MUC17: variants seen among roughly 807,000 people sequenced by gnomAD.
MUC17 encodes mucin 17, cell surface associated, also known as mucin-17.
A neutral mutation model predicts 170.3 loss-of-function variants in MUC17; 190 were observed. That is an observed-to-expected ratio of 1.12 (90% CI 0.99 to 1.26). MUC17 has a LOEUF of 1.26. Among genes scored for constraint, MUC17 ranks in the 50% most tolerant of loss-of-function variants. The pLI, the probability that MUC17 is intolerant of heterozygous loss-of-function variation, is 0.00. For synonymous variants in MUC17, 2,325 were observed against 2,002.5 expected, an observed-to-expected ratio of 1.16 and a Z score of -4.30; for missense variants, 6,415 against 5,530.0, an observed-to-expected ratio of 1.16 and a Z score of -5.08.
chr7:101,034,736 C>A lies in MUC17; in HGVS notation c.3320C>A (p.Pro1107His), dbSNP rs1489381633. The A allele has an allele frequency of 6.2e-7, 1 of 1,607,460 alleles. No homozygotes were observed. Among genetic ancestry groups the A allele is most frequent in the East Asian group, 2.2e-5 (1 of 44,496 alleles). ...GGAAGCACTCCACTAACAAGTGTGC[C>A]TGTCAGCACCAGGCTGGTGGTCAGT... ...SEGSTPLTSV[P>H]VSTRLVVSSE... is the part of the protein sequence containing the mutation. The change falls in exon 3 of 13, where the codon CCT becomes CAT. Residue 1107 changes from proline to histidine, a missense_variant. Physicochemically the swap from Pro to His is moderately conservative, Grantham distance 77. Transcript: ENST00000306151.
Position 101,038,428 on chromosome 7 carries a change from A to G in MUC17, c.7012A>G (p.Thr2338Ala), listed in dbSNP as rs758266088. Residue 2338 changes from threonine (T) to alanine (A), a missense_variant, in exon 3 of 13, where the codon ACT (threonine) becomes GCT (alanine). By Grantham distance (58) the Thr-to-Ala change is moderately conservative. Coordinates refer to ENST00000306151, the MANE Select transcript of MUC17 (RefSeq NM_001040105.2). ...MPTSTSSEGN[T>A]PLTRMPVSTT... ...AACCTCAACTTCTAGTGAAGGAAAC[A>G]CTCCATTAACACGTATGCCTGTCAG... is the stretch of plus-strand genomic sequence containing the variant. 61 of 1,613,264 alleles carry G rather than the reference A, an allele frequency of 3.8e-5. No homozygotes were observed. The Admixed American group carries it at 9.8e-4, about 26-fold the overall frequency.
Position 101,039,102 on chromosome 7 carries a change from C to T in MUC17, c.7686C>T (p.Thr2562=), listed in dbSNP as rs780496074. The change falls in exon 3 of 13, where the codon ACC becomes ACT. Residue 2562 remains threonine (T), a synonymous_variant. Coordinates refer to ENST00000306151, the MANE Select transcript of MUC17 (RefSeq NM_001040105.2). Reference sequence around the variant, plus strand: ...CATCTGCTACATCCGCTGAAGGTACCAGCATGCCTACCTCAACTTATAGTG... The same window carrying T: ...CATCTGCTACATCCGCTGAAGGTACTAGCATGCCTACCTCAACTTATAGTG... ...ISSSATSAEG[T]SMPTSTYSEG... 3.7e-6 allele frequency: 6 copies of T among 1,613,476 alleles called. No individual in the cohort carries two copies. Among genetic ancestry groups the T allele is most frequent in the Non-Finnish European group, 5.1e-6 (6 of 1,179,860 alleles).
At position 101,039,136 on chromosome 7, in the gene MUC17, A is replaced by G. The variant is rs549848777; in HGVS notation, c.7720A>G (p.Thr2574Ala). 3.7e-6 allele frequency: 6 copies of G among 1,613,286 alleles called. No individual in the cohort carries two copies. The African/African-American group carries it at 4.0e-5, about 11-fold the overall frequency. Reference protein sequence around the residue: ...MPTSTYSEGSTPLRSMPVSTK... With the variant: ...MPTSTYSEGSAPLRSMPVSTK... ...TACCTCAACTTATAGTGAAGGAAGC[A>G]CTCCATTAAGAAGTATGCCTGTCAG... Residue 2574 changes from threonine to alanine, a missense_variant, in exon 3 of 13, where the codon ACT (threonine) becomes GCT (alanine). Transcript: ENST00000306151.
Position 101,034,656 on chromosome 7 carries a change from T to A in MUC17, c.3240T>A (p.Ser1080Arg). 1 of 1,606,972 alleles carries A rather than the reference T, an allele frequency of 6.2e-7. No individual in the cohort carries two copies. The highest frequency in any genetic ancestry group is 8.5e-7 in the Non-Finnish European group (1 of 1,176,044). The change falls in exon 3 of 13, where the codon AGT becomes AGA. Residue 1080 changes from serine to arginine, a missense_variant. Coordinates refer to ENST00000306151, the MANE Select transcript of MUC17 (RefSeq NM_001040105.2). Reference protein sequence around the residue: ...STPVTTYSQASSSSTTADGTS... With the variant: ...STPVTTYSQARSSSTTADGTS... ...CTGTGACCACTTATTCTCAAGCCAG[T>A]TCATCTTCTACAACTGCTGACGGTA...
In MUC17 at chr7:101,035,988, A is replaced by T; in HGVS notation, c.4572A>T (p.Thr1524=). ...TALTSIPVST[T]TVASSEINSL... is the part of the protein sequence containing the mutation. Reference sequence around the variant, plus strand: ...TAACAAGTATACCTGTCAGCACCACAACAGTGGCCAGTTCTGAAATCAACA... The same window carrying T: ...TAACAAGTATACCTGTCAGCACCACTACAGTGGCCAGTTCTGAAATCAACA... Residue 1524 remains threonine (T), a synonymous_variant, in exon 3 of 13, where the codon ACA becomes ACT. Transcript: ENST00000306151. The T allele has an allele frequency of 6.2e-7, 1 of 1,611,492 alleles. No individual in the cohort carries two copies. The highest frequency in any genetic ancestry group is 8.5e-7 in the Non-Finnish European group (1 of 1,178,508).
At chr7:101,047,879 G>A (rs971454687) in intron 3 of MUC17, 105 bp from the exon 4 acceptor site, 44 of 1,330,428 alleles carry the variant, frequency 3.3e-5, no homozygotes, top group Non-Finnish European at 4.2e-5. Flanking sequence ...ATTGTAAGCT[G>A]TAAAGTGCTG....
chr7:101,040,326 A>G lies in MUC17; in HGVS notation c.8910A>G (p.Thr2970=). The part of the protein sequence containing the change: ...TTSAEASSSP[T]TAEGTSMPIS... The stretch of plus-strand genomic sequence containing the variant: ...CTGCTGAAGCTAGTTCTTCTCCTAC[A>G]ACTGCTGAAGGTACCAGCATGCCAA... Residue 2970 remains threonine, a synonymous_variant, in exon 3 of 13, where the codon ACA becomes ACG. Coordinates refer to ENST00000306151, the MANE Select transcript of MUC17 (RefSeq NM_001040105.2). 1 of 1,612,678 alleles carries G rather than the reference A, an allele frequency of 6.2e-7. No homozygotes were observed. Among genetic ancestry groups the G allele is most frequent in the South Asian group, 1.1e-5 (1 of 90,974 alleles).
At chr7:101,052,853 T>A in intron 9 of MUC17, 133 bp from the exon 10 acceptor site, 1 of 996,718 alleles carries the variant, frequency 1.0e-6, no homozygotes, top group Non-Finnish European at 1.4e-6. Context: ...CCCCTCGGGG[T>A]GCCTTGCTTT....
chr7:101,031,027 A>C (rs2116403256), intron 1 of MUC17, 93 bp from the exon 2 acceptor site: 6 of 1,433,338 alleles, frequency 4.2e-6, no homozygotes, highest in East Asian at 2.5e-5. Context: ...GGGGCCAGGG[A>C]CTTTCCAGGG....
intron 1 of MUC17, among the ~76,000 whole-genome samples, chr7:101,023,517 G>C (rs1794130271): frequency 6.6e-6 from 1 of 152,080 alleles, no homozygotes; most frequent in South Asian, 2.1e-4. Context: ...CTCCTGAGTA[G>C]CTGGGATTAC....
intron 11 of MUC17, among the ~76,000 whole-genome samples, chr7:101,055,807 T>C (rs73712051): frequency 0.11 from 16,849 of 152,256 alleles, 1,131 homozygotes; most frequent in African/African-American, 0.19. Context: ...GACGATATTA[T>C]CTGACCATAA....
Position 101,037,523 on chromosome 7 carries a change from C to T in MUC17, c.6107C>T (p.Thr2036Ile), listed in dbSNP as rs187673029. Residue 2036 changes from threonine to isoleucine, a missense_variant, in exon 3 of 13, where the codon ACC becomes ATC. Thr to Ile is a moderately conservative substitution (Grantham distance 89). Coordinates refer to ENST00000306151, the MANE Select transcript of MUC17 (RefSeq NM_001040105.2). ...ACTGCAGGAGGTACCAGCATACAAACCTCAACTCCTAGTGAACGGACCACT... is the reference window on the plus strand; with the variant it reads ...ACTGCAGGAGGTACCAGCATACAAATCTCAACTCCTAGTGAACGGACCACT... The part of the protein sequence containing the change: ...PTTAGGTSIQ[T>I]STPSERTTPL... 1.3e-5 allele frequency: 21 copies of T among 1,613,898 alleles called. No individual in the cohort carries two copies. The East Asian group carries it at 4.5e-4, about 34-fold the overall frequency.
chr7:101,033,240 T>G lies in MUC17; in HGVS notation c.1824T>G (p.Ser608Arg), dbSNP rs1205954542. ...NTFVTTSSEA[S>R]SSSTTAEGTS... ...TTGTGACCACTTCTAGTGAAGCTAGTTCATCTTCTACAACTGCTGAAGGTA... is the reference window on the plus strand; with the variant it reads ...TTGTGACCACTTCTAGTGAAGCTAGGTCATCTTCTACAACTGCTGAAGGTA... The change falls in exon 3 of 13, where the codon AGT becomes AGG. Residue 608 changes from serine (S) to arginine (R), a missense_variant. Transcript: ENST00000306151. The G allele has an allele frequency of 1.2e-6, 2 of 1,613,972 alleles. No individual in the cohort carries two copies. The highest frequency in any genetic ancestry group is 1.7e-6 in the Non-Finnish European group (2 of 1,179,984).
rs1355804648 is a variant in MUC17 at position 101,033,967 on chromosome 7, G to A, written c.2551G>A (p.Glu851Lys). ...AGTCAGTTCATCTCCTACACCTGCT[G>A]AAGGTACCAGCATGCCAACCTCAAC... ...TEVSSSPTPAEGTSMPTSTYS... is the reference protein window; with the variant it reads ...TEVSSSPTPAKGTSMPTSTYS... The change falls in exon 3 of 13, where the codon GAA (glutamate) becomes AAA (lysine). Residue 851 changes from glutamate (E) to lysine (K), a missense_variant. Transcript: ENST00000306151. 1 of 1,603,176 alleles carries A rather than the reference G, an allele frequency of 6.2e-7. No individual in the cohort carries two copies. Among genetic ancestry groups the A allele is most frequent in the Non-Finnish European group, 8.5e-7 (1 of 1,173,954 alleles).
rs1312598963 is a variant in MUC17, at chr7:101,037,744, A to C, written c.6328A>C (p.Ser2110Arg). The change falls in exon 3 of 13, where the codon AGC (serine) becomes CGC (arginine). Residue 2110 changes from serine (S) to arginine (R), a missense_variant. Physicochemically the swap from Ser to Arg is moderately radical, Grantham distance 110 (BLOSUM62 -1). Coordinates refer to ENST00000306151, the MANE Select transcript of MUC17 (RefSeq NM_001040105.2). ...TCCTCTACTAACAAGTATACCTCTC[A>C]GCACCACGCCGGTGGCCAGTCCTGA... The part of the protein sequence containing the change: ...GSPLLTSIPL[S>R]TTPVASPEAS... The C allele has an allele frequency of 6.2e-7, 1 of 1,613,908 alleles. No homozygotes were observed. Among genetic ancestry groups the C allele is most frequent in the African/African-American group, 1.3e-5 (1 of 75,026 alleles).
intron 3 of MUC17, among the ~76,000 whole-genome samples, chr7:101,047,123 T>TAAATAAAA (rs1413601005): frequency 4.0e-5 from 6 of 150,142 alleles, no homozygotes; most frequent in Non-Finnish European, 5.9e-5. Context: ...AATAAATAAA[T>TAAATAAAA]AAAATAAGAT....
rs374198074 is a variant in MUC17 at position 101,041,827 on chromosome 7, G to A, written c.10411G>A (p.Ala3471Thr). 26 of 1,613,772 alleles carry A rather than the reference G, an allele frequency of 1.6e-5. No individual in the cohort carries two copies. The highest frequency in any genetic ancestry group is 2.0e-5 in the Non-Finnish European group (24 of 1,180,000). The change falls in exon 3 of 13, where the codon GCC becomes ACC. Residue 3471 changes from alanine (A) to threonine (T), a missense_variant. Transcript: ENST00000306151. Reference sequence around the variant, plus strand: ...TATGCCTCTCAGTACCACGCCGGTGGCCAGTTCTGAGGCTAGCACCCTTTC... The same window carrying A: ...TATGCCTCTCAGTACCACGCCGGTGACCAGTTCTGAGGCTAGCACCCTTTC... Reference protein sequence around the residue: ...SIMPLSTTPVASSEASTLSTT... With the variant: ...SIMPLSTTPVTSSEASTLSTT...
Position 101,033,258 on chromosome 7 carries a change from T to G in MUC17, c.1842T>G (p.Ala614=), listed in dbSNP as rs890394615. The G allele has an allele frequency of 6.2e-7, 1 of 1,613,962 alleles. No homozygotes were observed. Among genetic ancestry groups the G allele is most frequent in the Non-Finnish European group, 8.5e-7 (1 of 1,180,018 alleles). Residue 614 remains alanine, a synonymous_variant, in exon 3 of 13, where the codon GCT becomes GCG. Transcript: ENST00000306151. ...AAGCTAGTTCATCTTCTACAACTGC[T>G]GAAGGTACCAGCATGCCAACCTCAA... ...SSEASSSSTT[A]EGTSMPTSTY...
Position 101,035,693 on chromosome 7 carries a change from C to T in MUC17, c.4277C>T (p.Pro1426Leu). The change falls in exon 3 of 13, where the codon CCT (proline) becomes CTT (leucine). Residue 1426 changes from proline to leucine, a missense_variant. Coordinates refer to ENST00000306151, the MANE Select transcript of MUC17 (RefSeq NM_001040105.2). ...GCAACTCCTGTTGACACCAGCACCC[C>T]TGGGACCACTTCTGCTGAAGCCACT... ...LSATPVDTST[P>L]GTTSAEATSS... 6.2e-7 allele frequency: 1 copy of T among 1,608,360 alleles called. No homozygotes were observed. The highest frequency in any genetic ancestry group is 1.1e-5 in the South Asian group (1 of 90,064).
Sources: gnomAD v4.1 joint callset for allele counts (sites outside exome capture counted in the v4.1 genomes callset) on GRCh38, gnomAD v4.1.1 for gene constraint, MANE v1.5 for transcripts, NCBI Gene and HGNC (gene_info 2026-07-23, HGNC 2026-07-21) for gene names.